Variants in METTL16 observed in about 807,000 individuals in gnomAD.
METTL16 encodes methyltransferase 16, RNA N6-adenosine, also known as RNA N(6)-adenosine-methyltransferase METTL16.
A neutral mutation model predicts 57.9 loss-of-function variants in METTL16; 19 were observed. That is an observed-to-expected ratio of 0.33 (90% CI 0.23 to 0.48). METTL16 has a LOEUF of 0.48. Among genes scored for constraint, METTL16 ranks in the 20% least tolerant of loss-of-function variants. The pLI is 0.99. For synonymous variants in METTL16, 246 were observed against 255.6 expected, an observed-to-expected ratio of 0.96 and a Z score of 0.36; for missense variants, 434 against 691.5, an observed-to-expected ratio of 0.63 and a Z score of 4.18.
chr17:2,438,257 G>T, intron 7 of METTL16, 59 bp from the exon 8 acceptor site: 1 of 1,250,776 alleles, frequency 8.0e-7, no homozygotes, highest in Admixed American at 1.7e-5. Flanking sequence ...ATATGTTTCT[G>T]GCTGCTGCGT....
chr17:2,427,712 G>A (rs2066829952), intron 8 of METTL16, among the ~76,000 whole-genome samples: 1 of 152,006 alleles, frequency 6.6e-6, no homozygotes, highest in Non-Finnish European at 1.5e-5. Flanking sequence ...TGAGTAGCTA[G>A]GATTACAGGC....
At chr17:2,510,996 C>G (rs2067583122) in intron 1 of METTL16, among the ~76,000 whole-genome samples, 1 of 151,946 alleles carries the variant, frequency 6.6e-6, no homozygotes, top group Non-Finnish European at 1.5e-5. Flanking sequence ...TCTTGTTCAC[C>G]GCATATCCCA....
intron 6 of METTL16, among the ~76,000 whole-genome samples, chr17:2,459,101 C>G (rs922410447): frequency 6.6e-6 from 1 of 152,010 alleles, no homozygotes; most frequent in Non-Finnish European, 1.5e-5. Context: ...CCATTGTGCC[C>G]GGACTGGGTG....
At chr17:2,433,048 T>A (rs2066885192) in intron 8 of METTL16, among the ~76,000 whole-genome samples, 1 of 152,142 alleles carries the variant, frequency 6.6e-6, no homozygotes, top group Non-Finnish European at 1.5e-5. Flanking sequence ...CAGTGTAAAG[T>A]ATGCCACAAG....
chr17:2,440,994 A>AAAAAAAAAAAAAAAAAAAG (rs1555616313), intron 7 of METTL16, among the ~76,000 whole-genome samples: 7 of 118,896 alleles, frequency 5.9e-5, no homozygotes, highest in East Asian at 2.0e-4. Context: ...AAAAAAAAAA[A>AAAAAAAAAAAAAAAAAAAG]AAGAAGAAGA....
At chr17:2,507,633 C>G (rs189288292) in intron 1 of METTL16, among the ~76,000 whole-genome samples, 2 of 152,320 alleles carry the variant, frequency 1.3e-5, no homozygotes, top group East Asian at 3.9e-4. Flanking sequence ...GTGTACCCAA[C>G]AGCTCATTGA....
At chr17:2,461,736 C>T (rs2067151516) in intron 6 of METTL16, among the ~76,000 whole-genome samples, 1 of 151,978 alleles carries the variant, frequency 6.6e-6, no homozygotes, top group Admixed American at 6.6e-5. Flanking sequence ...GCCACCACAC[C>T]CAGCTAATTT....
intron 4 of METTL16, among the ~76,000 whole-genome samples, chr17:2,471,711 C>A (rs544066358): frequency 6.6e-6 from 1 of 152,136 alleles, no homozygotes; most frequent in South Asian, 2.1e-4. Context: ...TGGTGTGAAC[C>A]CAGCAGGCGG....
At chr17:2,497,613 A>G (rs1435656880) in intron 2 of METTL16, among the ~76,000 whole-genome samples, 1 of 151,686 alleles carries the variant, frequency 6.6e-6, no homozygotes, top group East Asian at 1.9e-4. Context: ...GGCCTGGCAT[A>G]TCATTTAATA....
intron 8 of METTL16, among the ~76,000 whole-genome samples, chr17:2,431,528 C>T (rs1311499188): frequency 6.6e-6 from 1 of 152,122 alleles, no homozygotes; most frequent in Non-Finnish European, 1.5e-5. Flanking sequence ...TGAGCAAGCT[C>T]AGCTCTCATA....
intron 6 of METTL16, among the ~76,000 whole-genome samples, chr17:2,456,512 T>C (rs894487547): frequency 6.6e-6 from 1 of 152,208 alleles, no homozygotes; most frequent in African/African-American, 2.4e-5. Flanking sequence ...TCTCGTTCTG[T>C]TGCCCCGGTT....
At chr17:2,505,598 C>A (rs2067526778) in intron 1 of METTL16, among the ~76,000 whole-genome samples, 1 of 151,666 alleles carries the variant, frequency 6.6e-6, no homozygotes, top group South Asian at 2.1e-4. Flanking sequence ...GACTACATTG[C>A]CCAGGCCAGA....
At chr17:2,453,994 G>T (rs1019746962) in intron 6 of METTL16, among the ~76,000 whole-genome samples, 2 of 152,000 alleles carry the variant, frequency 1.3e-5, no homozygotes, top group Non-Finnish European at 2.9e-5. Flanking sequence ...TCTATCCCCT[G>T]TATGTACTGT....
At chr17:2,488,410 A>G (rs2067359441) in intron 2 of METTL16, among the ~76,000 whole-genome samples, 3 of 152,014 alleles carry the variant, frequency 2.0e-5, no homozygotes, top group African/African-American at 7.2e-5. Flanking sequence ...TACAAAAATT[A>G]GCCAGGCTTG....
intron 8 of METTL16, among the ~76,000 whole-genome samples, chr17:2,426,226 G>A (rs1051768239): frequency 5.9e-5 from 9 of 152,156 alleles, no homozygotes; most frequent in East Asian, 5.8e-4. Context: ...TGCAGTGGCC[G>A]TCTGTTTTTT....
At chr17:2,430,412 C>CTTTTTTTT (rs903960118) in intron 8 of METTL16, among the ~76,000 whole-genome samples, 1 of 118,496 alleles carries the variant, frequency 8.4e-6, no homozygotes, top group African/African-American at 3.3e-5. Flanking sequence ...TTAGAATTCT[C>CTTTTTTTT]TTTTTTTTTT....
intron 6 of METTL16, among the ~76,000 whole-genome samples, chr17:2,449,235 A>T (rs1481597080): frequency 6.6e-5 from 10 of 152,164 alleles, no homozygotes; most frequent in Admixed American, 6.5e-4. Context: ...GTTGGAATGG[A>T]AGACTCATTA....
chr17:2,511,808 C>T lies in METTL16; in HGVS notation c.-50G>A, dbSNP rs2067591398. 2 of 398,482 alleles carry T rather than the reference C, an allele frequency of 5.0e-6. No homozygotes were observed. Among genetic ancestry groups the T allele is most frequent in the African/African-American group, 4.1e-5 (2 of 48,632 alleles). The allele number at this position is 398,482 out of a possible 1,614,324, so 24.7% of individuals were successfully genotyped here. A position where few individuals can be genotyped will look rare whatever the true frequency, so the allele number is the denominator to read the frequency against. ...ACGTCGTGTCTGGCGTGGGCCTGTA[C>T]AACCCTAGAATCTTAAAGCAGCCGC... On this transcript the variant is annotated 5_prime_UTR_variant, in exon 1 of 10. Transcript: ENST00000263092.
At chr17:2,486,125 G>A (rs756270945) in intron 2 of METTL16, among the ~76,000 whole-genome samples, 1 of 152,170 alleles carries the variant, frequency 6.6e-6, no homozygotes, top group Admixed American at 6.6e-5. Context: ...CAAAGTAAGC[G>A]TATATAGTTC....
Sources: allele counts gnomAD v4.1 joint callset (sites outside exome capture counted in the v4.1 genomes callset), GRCh38; gene constraint gnomAD v4.1.1; transcripts MANE v1.5; gene names NCBI Gene and HGNC (gene_info 2026-07-23, HGNC 2026-07-21).